The following RPSA2 variants were observed in gnomAD, a reference collection of about 807,000 sequenced individuals.
RPSA2 encodes the protein small ribosomal subunit protein uS2B.
At chr19:23,766,606 C>T in the RPSA2 span, among the ~76,000 whole-genome samples, 51 of 151,858 alleles carry the variant, frequency 3.4e-4, no homozygotes, top group Middle Eastern at 3.4e-3. Flanking sequence ...AGGCGCCCAC[C>T]ACCTTGCCCG....
the RPSA2 span, among the ~76,000 whole-genome samples, chr19:23,801,737 A>G: frequency 1.3e-5 from 2 of 152,140 alleles, no homozygotes; most frequent in Non-Finnish European, 2.9e-5. Flanking sequence ...CCCACTCTCT[A>G]TCTCTCTTCT....
chr19:23,778,902 A>G, the RPSA2 span, among the ~76,000 whole-genome samples: 1 of 149,080 alleles, frequency 6.7e-6, no homozygotes, highest in Non-Finnish European at 1.5e-5. Context: ...AGTCCTACCC[A>G]CAGAGGTCAT....
At chr19:23,772,177 T>G in the RPSA2 span, among the ~76,000 whole-genome samples, 2 of 152,200 alleles carry the variant, frequency 1.3e-5, no homozygotes, top group African/African-American at 2.4e-5. Flanking sequence ...ACAGGAAAGA[T>G]TGTGACATAT....
chr19:23,850,868 T>C, the RPSA2 span, among the ~76,000 whole-genome samples: 51 of 152,304 alleles, frequency 3.3e-4, no homozygotes, highest in Middle Eastern at 3.4e-3. Context: ...AATTATTCTT[T>C]TGTTGTTTAG....
At chr19:23,764,754 T>G in the RPSA2 span, among the ~76,000 whole-genome samples, 1 of 151,894 alleles carries the variant, frequency 6.6e-6, no homozygotes, top group South Asian at 2.1e-4. Flanking sequence ...CTGTAAACAT[T>G]TTATGTGAGA....
At chr19:23,827,515 G>A in the RPSA2 span, 3 of 1,596,990 alleles carry the variant, frequency 1.9e-6, no homozygotes, top group East Asian at 2.2e-5. Flanking sequence ...CCTTCTGGGA[G>A]CCACGGCTTC....
the RPSA2 span, among the ~76,000 whole-genome samples, chr19:23,805,657 G>A: frequency 5.9e-5 from 9 of 152,134 alleles, no homozygotes; most frequent in African/African-American, 2.2e-4. Context: ...AATTCTAGAG[G>A]AGGAGGAGAA....
At chr19:23,863,678 C>G in the RPSA2 span, among the ~76,000 whole-genome samples, 1 of 151,694 alleles carries the variant, frequency 6.6e-6, no homozygotes, top group Admixed American at 6.6e-5. Flanking sequence ...TGAAGAAACA[C>G]AAGAGACAGC....
the RPSA2 span, among the ~76,000 whole-genome samples, chr19:23,811,352 T>C: frequency 6.6e-6 from 1 of 152,126 alleles, no homozygotes; most frequent in African/African-American, 2.4e-5. Flanking sequence ...TCTTGTTACA[T>C]AACCCAGGCA....
chr19:23,847,561 C>T, the RPSA2 span, among the ~76,000 whole-genome samples: 2 of 152,130 alleles, frequency 1.3e-5, no homozygotes, highest in South Asian at 2.1e-4. Context: ...ACAAAGATCA[C>T]GTGCTTCAAA....
At chr19:23,806,784 CAAAAAAA>C in the RPSA2 span, among the ~76,000 whole-genome samples, 1 of 71,378 alleles carries the variant, frequency 1.4e-5, no homozygotes, top group Non-Finnish European at 2.8e-5. Context: ...GACTGAGTCT[CAAAAAAA>C]AAAAAAAAAA....
At chr19:23,857,540 G>GAGTGC in the RPSA2 span, among the ~76,000 whole-genome samples, 2 of 129,804 alleles carry the variant, frequency 1.5e-5, no homozygotes, top group African/African-American at 5.9e-5. Flanking sequence ...GCCCAGGCTA[G>GAGTGC]AGTGCAGTGG....
chr19:23,857,527 A>C, the RPSA2 span, among the ~76,000 whole-genome samples: 50,913 of 126,620 alleles, frequency 0.4, 9,876 homozygotes, highest in East Asian at 0.54. Flanking sequence ...TTTTGCTCTC[A>C]TTGCCCAGGC....
At chr19:23,846,327 A>AT in the RPSA2 span, among the ~76,000 whole-genome samples, 1 of 6,214 alleles carries the variant, frequency 1.6e-4, no homozygotes, top group South Asian at 0.083. Context: ...TTATATTAAT[A>AT]TTAAGGCTTT....
At chr19:23,848,067 A>G in the RPSA2 span, among the ~76,000 whole-genome samples, 7 of 152,146 alleles carry the variant, frequency 4.6e-5, no homozygotes, top group African/African-American at 1.4e-4. Flanking sequence ...TTTACAATCA[A>G]TTTGTACAGT....
chr19:23,866,035 G>A, the RPSA2 span, among the ~76,000 whole-genome samples: 28 of 152,242 alleles, frequency 1.8e-4, no homozygotes, highest in African/African-American at 5.3e-4. Flanking sequence ...AGGCAGAATC[G>A]CACCGCTCTT....
At chr19:23,807,298 T>C in the RPSA2 span, among the ~76,000 whole-genome samples, 1 of 152,204 alleles carries the variant, frequency 6.6e-6, no homozygotes, top group African/African-American at 2.4e-5. Context: ...GACAAAATGA[T>C]ATTTTGGGGC....
the RPSA2 span, among the ~76,000 whole-genome samples, chr19:23,788,555 T>C: frequency 3.3e-5 from 5 of 152,208 alleles, no homozygotes; most frequent in Non-Finnish European, 5.9e-5. Flanking sequence ...ATGTGTCTTC[T>C]ACGTAAGCCC....
chr19:23,812,041 A>G, the RPSA2 span, among the ~76,000 whole-genome samples: 1 of 152,216 alleles, frequency 6.6e-6, no homozygotes, highest in African/African-American at 2.4e-5. Context: ...GTTACAGTCA[A>G]ACATTGCAGT....
Sources: gnomAD v4.1 joint callset for allele counts (sites outside exome capture counted in the v4.1 genomes callset) on GRCh38, gnomAD v4.1.1 for gene constraint, MANE v1.5 for transcripts, NCBI Gene and HGNC (gene_info 2026-07-23, HGNC 2026-07-21) for gene names.